The following PRTFDC1 variants were observed in gnomAD, a reference collection of about 807,000 sequenced individuals.
The protein encoded by PRTFDC1 is phosphoribosyl transferase domain containing 1.
PRTFDC1 carries 38 observed loss-of-function variants against 34.6 expected under a neutral mutation model. The observed-to-expected ratio is 1.10, with a 90% CI of 0.85 to 1.44. PRTFDC1 has a LOEUF of 1.44. PRTFDC1 is among the 40% of genes most tolerant of loss of function. The pLI, the probability that PRTFDC1 is intolerant of heterozygous loss-of-function variation, is 0.00. For synonymous variants in PRTFDC1, 93 were observed against 98.1 expected (o/e 0.95, Z 0.31); for missense variants, 270 against 283.0 (o/e 0.95, Z 0.33).
intron 1 of PRTFDC1, chr10:24,951,511 CT>C: frequency 1.0e-6 from 1 of 964,062 alleles, no homozygotes; most frequent in Non-Finnish European, 1.2e-6. Context: ...CCTGACCCTT[CT>C]GTCTGAATGT....
chr10:24,856,579 C>T (rs939643591), intron 6 of PRTFDC1, among the ~76,000 whole-genome samples: 1 of 152,110 alleles, frequency 6.6e-6, no homozygotes. Flanking sequence ...GGCAACAGAG[C>T]AAGACTCTGT....
intron 1 of PRTFDC1, among the ~76,000 whole-genome samples, chr10:24,950,550 G>C (rs1849323778): frequency 6.6e-6 from 1 of 152,126 alleles, no homozygotes; most frequent in South Asian, 2.1e-4. Flanking sequence ...TAATGGCTTT[G>C]TAATTGTTAA....
At chr10:24,864,898 T>C (rs938480381) in intron 4 of PRTFDC1, among the ~76,000 whole-genome samples, 1 of 152,138 alleles carries the variant, frequency 6.6e-6, no homozygotes, top group Non-Finnish European at 1.5e-5. Context: ...GGCAGATTGC[T>C]TGAGGCCAGG....
intron 3 of PRTFDC1, among the ~76,000 whole-genome samples, chr10:24,929,909 CA>C (rs1189505350): frequency 2.6e-5 from 4 of 152,140 alleles, no homozygotes; most frequent in Non-Finnish European, 5.9e-5. Context: ...AGAGCTTTCT[CA>C]AAACACACTA....
At chr10:24,926,175 A>C (rs1425836753) in intron 3 of PRTFDC1, among the ~76,000 whole-genome samples, 1 of 152,210 alleles carries the variant, frequency 6.6e-6, no homozygotes, top group Non-Finnish European at 1.5e-5. Context: ...GAACCCAGCT[A>C]ACCCCTCTGG....
intron 1 of PRTFDC1, among the ~76,000 whole-genome samples, chr10:24,950,145 C>T (rs1359925646): frequency 6.6e-6 from 1 of 152,134 alleles, no homozygotes; most frequent in Non-Finnish European, 1.5e-5. Context: ...ACAGTGTTCT[C>T]TCACTTGTTT....
intron 3 of PRTFDC1, among the ~76,000 whole-genome samples, chr10:24,878,851 C>G (rs961806795): frequency 6.6e-6 from 1 of 152,148 alleles, no homozygotes; most frequent in African/African-American, 2.4e-5. Flanking sequence ...AGAGTCAGAG[C>G]GCAACTTGCT....
At chr10:24,863,803 C>T (rs943789013) in intron 4 of PRTFDC1, among the ~76,000 whole-genome samples, 14 of 152,068 alleles carry the variant, frequency 9.2e-5, no homozygotes, top group African/African-American at 3.1e-4. Flanking sequence ...AGGCCAAGGG[C>T]GGTGGCTGCT....
At chr10:24,894,551 C>A (rs532625220) in intron 3 of PRTFDC1, among the ~76,000 whole-genome samples, 1 of 152,198 alleles carries the variant, frequency 6.6e-6, no homozygotes, top group African/African-American at 2.4e-5. Context: ...TTTTCCACTT[C>A]ATGCAGCTCA....
At position 24,930,964 on chromosome 10, in the gene PRTFDC1, A is replaced by C. The variant is rs373826528; in HGVS notation, c.339+6220T>G. Among the ~76,000 whole-genome samples, 21 of 152,294 alleles carry C rather than the reference A, an allele frequency of 1.4e-4. 1 individual carries two copies. In the East Asian group the frequency reaches 3.3e-3, roughly 24 times the overall value. On this transcript the variant is annotated intron_variant, in intron 3 of 8. Coordinates refer to ENST00000320152, the MANE Select transcript of PRTFDC1 (RefSeq NM_020200.7). ...AATAGTAGTATTTAGTTTGACATGG[A>C]TTACAATGGTGATAGTTTCCGCAAT...
chr10:24,930,730 C>A (rs1252723612), intron 3 of PRTFDC1, among the ~76,000 whole-genome samples: 1 of 152,004 alleles, frequency 6.6e-6, no homozygotes, highest in Non-Finnish European at 1.5e-5. Flanking sequence ...GTGTCTGTTT[C>A]ATTATGTGTA....
chr10:24,904,883 T>A (rs965740355), intron 3 of PRTFDC1, among the ~76,000 whole-genome samples: 1 of 152,224 alleles, frequency 6.6e-6, no homozygotes, highest in Non-Finnish European at 1.5e-5. Flanking sequence ...TTCCACCTTA[T>A]GCCAACGACT....
At chr10:24,944,315 C>T (rs1366482333) in intron 1 of PRTFDC1, among the ~76,000 whole-genome samples, 4 of 152,180 alleles carry the variant, frequency 2.6e-5, no homozygotes, top group African/African-American at 4.8e-5. Context: ...CTATCTTCAA[C>T]TCCCTCGAAA....
chr10:24,887,797 A>G (rs1243593873), intron 3 of PRTFDC1, among the ~76,000 whole-genome samples: 1 of 151,842 alleles, frequency 6.6e-6, no homozygotes, highest in Non-Finnish European at 1.5e-5. Flanking sequence ...GCCAGAAGTG[A>G]TCTCTCCAGC....
At chr10:24,923,190 G>A (rs909273047) in intron 3 of PRTFDC1, among the ~76,000 whole-genome samples, 2 of 152,218 alleles carry the variant, frequency 1.3e-5, no homozygotes, top group African/African-American at 2.4e-5. Flanking sequence ...AAGGCCTACC[G>A]CCTCTCTAGA....
intron 4 of PRTFDC1, among the ~76,000 whole-genome samples, chr10:24,866,079 G>A (rs1274833595): frequency 6.6e-6 from 1 of 152,076 alleles, no homozygotes; most frequent in Non-Finnish European, 1.5e-5. Context: ...TAGAATCTTA[G>A]GCTGGGCACA....
chr10:24,917,225 C>G (rs530390840), intron 3 of PRTFDC1, among the ~76,000 whole-genome samples: 1 of 152,314 alleles, frequency 6.6e-6, no homozygotes, highest in Non-Finnish European at 1.5e-5. Flanking sequence ...CAGCAGTCTT[C>G]CCTTTACTGT....
chr10:24,935,565 GT>G (rs1849036385), intron 3 of PRTFDC1, among the ~76,000 whole-genome samples: 1 of 152,176 alleles, frequency 6.6e-6, no homozygotes, highest in African/African-American at 2.4e-5. Context: ...GAAGACCGCT[GT>G]CCCCTGGTGT....
intron 3 of PRTFDC1, among the ~76,000 whole-genome samples, chr10:24,883,324 C>CA (rs1002230124): frequency 2.0e-5 from 3 of 152,046 alleles, no homozygotes; most frequent in African/African-American, 7.2e-5. Flanking sequence ...CTACTCCACC[C>CA]AGTTTCCAAA....
Sources: gnomAD v4.1 joint callset for allele counts (sites outside exome capture counted in the v4.1 genomes callset) on GRCh38, gnomAD v4.1.1 for gene constraint, MANE v1.5 for transcripts, NCBI Gene and HGNC (gene_info 2026-07-23, HGNC 2026-07-21) for gene names.